ZSWIM6: variants seen among roughly 807,000 people sequenced by gnomAD.
ZSWIM6 encodes zinc finger SWIM-type containing 6, also known as zinc finger SWIM domain-containing protein 6.
A neutral mutation model predicts 113.2 loss-of-function variants in ZSWIM6; 9 were observed. That is an observed-to-expected ratio of 0.08 (90% CI 0.05 to 0.14). The LOEUF (loss-of-function observed/expected upper bound fraction) is 0.14, where lower values mean the gene tolerates loss of function less well. Ranked by LOEUF, ZSWIM6 falls within the 10% of genes least tolerant of loss-of-function variation. The probability of loss-of-function intolerance (pLI) is 1.00; values close to 1 mark genes in which losing one functional copy is unlikely to be tolerated. For synonymous variants in ZSWIM6, 611 were observed against 606.5 expected (o/e 1.01, Z -0.11); for missense variants, 1,162 against 1,552.2 (o/e 0.75, Z 4.22).
At chr5:61,417,948 C>T (rs1329247830) in intron 1 of ZSWIM6, among the ~76,000 whole-genome samples, 3 of 152,002 alleles carry the variant, frequency 2.0e-5, no homozygotes, top group East Asian at 1.9e-4. Context: ...TTTTAGAATT[C>T]GAAGGTACTT....
intron 1 of ZSWIM6, among the ~76,000 whole-genome samples, chr5:61,463,528 A>G (rs1747360540): frequency 6.6e-6 from 1 of 152,196 alleles, no homozygotes; most frequent in Non-Finnish European, 1.5e-5. Flanking sequence ...AATCTTTGTT[A>G]TCATATGCAC....
At chr5:61,364,469 G>A (rs553805693) in intron 1 of ZSWIM6, among the ~76,000 whole-genome samples, 1 of 152,028 alleles carries the variant, frequency 6.6e-6, no homozygotes, top group South Asian at 2.1e-4. Flanking sequence ...ATAATATTTT[G>A]TGATGTGAAA....
At position 61,332,607 on chromosome 5, in the gene ZSWIM6, G is replaced by T. The variant is rs1411829853; in HGVS notation, c.335G>T (p.Trp112Leu). The T allele has an allele frequency of 7.8e-7, 1 of 1,287,842 alleles. No individual in the cohort carries two copies. The highest frequency in any genetic ancestry group is 1.0e-6 in the Non-Finnish European group (1 of 984,920). The allele number at this position is 1,287,842 out of a possible 1,614,324, so 79.8% of individuals were successfully genotyped here. Residue 112 changes from tryptophan (W) to leucine (L), a missense_variant, in exon 1 of 14, where the codon TGG becomes TTG. Physicochemically the swap from Trp to Leu is moderately conservative, Grantham distance 61. This residue lies in a region of ZSWIM6 where 333 missense variants were observed against 293.4 expected (regional missense o/e 1.13). Coordinates refer to ENST00000252744, the MANE Select transcript of ZSWIM6 (RefSeq NM_020928.2). The part of the protein sequence containing the change: ...PEPVQRRIVY[W>L]SFPRSEREIC... The stretch of plus-strand genomic sequence containing the variant: ...CCGGTGCAGCGCCGCATAGTCTATT[G>T]GTCCTTCCCCCGCAGCGAGCGGGAG...
chr5:61,365,541 CTTTTATTTTT>C (rs941447551), intron 1 of ZSWIM6, among the ~76,000 whole-genome samples: 1 of 152,042 alleles, frequency 6.6e-6, no homozygotes, highest in African/African-American at 2.4e-5. Flanking sequence ...TTTGACAGCT[CTTTTATTTTT>C]GAGGTATCTC....
At chr5:61,375,173 G>C in intron 1 of ZSWIM6, 2 of 1,613,206 alleles carry the variant, frequency 1.2e-6, no homozygotes, top group South Asian at 2.2e-5. Flanking sequence ...AGATCAAGGG[G>C]TCCAATCCAG....
At chr5:61,539,890 C>G in intron 12 of ZSWIM6, 131 bp downstream of exon 12, 1 of 873,090 alleles carries the variant, frequency 1.1e-6, no homozygotes, top group Non-Finnish European at 1.7e-6. Context: ...TGTTAGACTT[C>G]AGGAGAGAAC....
intron 2 of ZSWIM6, among the ~76,000 whole-genome samples, chr5:61,485,421 C>G (rs1346701105): frequency 6.6e-6 from 1 of 152,194 alleles, no homozygotes; most frequent in Non-Finnish European, 1.5e-5. Flanking sequence ...TCCCTCTTCT[C>G]CACTGTCTCA....
At chr5:61,437,183 G>A (rs1016564216) in intron 1 of ZSWIM6, among the ~76,000 whole-genome samples, 4 of 152,200 alleles carry the variant, frequency 2.6e-5, no homozygotes, top group African/African-American at 4.8e-5. Context: ...AGGTAGAGTG[G>A]GGTGGGTGAC....
intron 1 of ZSWIM6, among the ~76,000 whole-genome samples, chr5:61,369,079 G>T (rs1745215045): frequency 6.6e-6 from 1 of 152,158 alleles, no homozygotes; most frequent in Admixed American, 6.5e-5. Context: ...TTAAACTATA[G>T]AGTGTTTACA....
At chr5:61,404,925 T>C (rs1746016354) in intron 1 of ZSWIM6, among the ~76,000 whole-genome samples, 1 of 152,172 alleles carries the variant, frequency 6.6e-6, no homozygotes, top group Non-Finnish European at 1.5e-5. Flanking sequence ...CCAGTTAGAT[T>C]TGAGAACTGT....
intron 1 of ZSWIM6, among the ~76,000 whole-genome samples, chr5:61,452,435 C>T (rs367669327): frequency 3.9e-4 from 60 of 152,114 alleles, no homozygotes; most frequent in South Asian, 2.1e-4. Flanking sequence ...TCCTCCTGCC[C>T]GTTCTCATGG....
chr5:61,468,495 G>A (rs528437825), intron 1 of ZSWIM6, among the ~76,000 whole-genome samples: 2 of 152,282 alleles, frequency 1.3e-5, no homozygotes, highest in South Asian at 2.1e-4. Context: ...GCGCAGGATT[G>A]TCCCTTTTTG....
intron 1 of ZSWIM6, chr5:61,375,461 G>C: frequency 6.5e-7 from 1 of 1,541,716 alleles, no homozygotes; most frequent in Non-Finnish European, 8.8e-7. Context: ...TCTTCCAGCA[G>C]TTCTTCTGAT....
At chr5:61,372,997 A>C (rs1745298471) in intron 1 of ZSWIM6, among the ~76,000 whole-genome samples, 1 of 152,208 alleles carries the variant, frequency 6.6e-6, no homozygotes, top group African/African-American at 2.4e-5. Flanking sequence ...TTATAAAAAT[A>C]AAAATATTAC....
intron 4 of ZSWIM6, among the ~76,000 whole-genome samples, chr5:61,504,792 G>A (rs139102497): frequency 2.0e-5 from 3 of 152,166 alleles, no homozygotes; most frequent in African/African-American, 4.8e-5. Flanking sequence ...GCACTTATGC[G>A]TAAATATGGA....
chr5:61,378,578 A>G (rs1276251990), intron 1 of ZSWIM6, among the ~76,000 whole-genome samples: 4 of 151,486 alleles, frequency 2.6e-5, no homozygotes, highest in Non-Finnish European at 5.9e-5. Flanking sequence ...TTTTTGAGAC[A>G]GGGTTTTGCT....
At chr5:61,453,311 A>C (rs1747123369) in intron 1 of ZSWIM6, among the ~76,000 whole-genome samples, 1 of 151,534 alleles carries the variant, frequency 6.6e-6, no homozygotes, top group Non-Finnish European at 1.5e-5. Flanking sequence ...CTTAACATAT[A>C]TATTACCTCA....
intron 1 of ZSWIM6, among the ~76,000 whole-genome samples, chr5:61,429,759 A>G (rs144611970): frequency 1.4e-4 from 21 of 152,246 alleles, no homozygotes; most frequent in African/African-American, 4.3e-4. Context: ...TCTAGGAGGA[A>G]GAAGCATGTG....
intron 1 of ZSWIM6, among the ~76,000 whole-genome samples, chr5:61,388,329 C>G (rs916786951): frequency 6.6e-6 from 1 of 152,116 alleles, no homozygotes; most frequent in Non-Finnish European, 1.5e-5. Flanking sequence ...AGTCTATACT[C>G]TAGAACTGTA....
Sources: allele counts gnomAD v4.1 joint callset (sites outside exome capture counted in the v4.1 genomes callset), GRCh38; gene constraint gnomAD v4.1.1; regional missense constraint gnomAD v4.1.1; transcripts MANE v1.5; gene names NCBI Gene and HGNC (gene_info 2026-07-23, HGNC 2026-07-21).